The following MYO7A variants were observed in gnomAD, a reference collection of about 807,000 sequenced individuals.
MYO7A encodes the protein myosin VIIA.
Under a neutral mutation model 263.8 loss-of-function variants are expected in MYO7A, and 210 were observed. That is an observed-to-expected ratio of 0.80 (90% CI 0.71 to 0.89). The LOEUF is 0.89. Ranked by LOEUF, MYO7A falls within the 40% of genes least tolerant of loss-of-function variation. MYO7A has a pLI of 0.00. For missense variants in MYO7A, 2,820 were observed against 2,968.3 expected (o/e 0.95, Z 1.16); for synonymous variants, 1,239 against 1,197.3 (o/e 1.03, Z -0.72).
At chr11:77,208,914 G>A in intron 44 of MYO7A, 111 bp downstream of exon 44, 1 of 830,630 alleles carries the variant, frequency 1.2e-6, no homozygotes, top group Non-Finnish European at 1.9e-6. Flanking sequence ...GTACCAGCCT[G>A]GCCTCAAAGG....
chr11:77,184,138 G>T (rs955121715), intron 26 of MYO7A, among the ~76,000 whole-genome samples: 5 of 152,162 alleles, frequency 3.3e-5, no homozygotes, highest in African/African-American at 1.2e-4. Flanking sequence ...TGTGAGGCTG[G>T]TCACATCGGG....
intron 2 of MYO7A, among the ~76,000 whole-genome samples, chr11:77,133,982 T>C (rs1234981783): frequency 2.0e-5 from 3 of 152,164 alleles, no homozygotes; most frequent in Non-Finnish European, 4.4e-5. Context: ...CATGCTGGAG[T>C]GCAATGACAC....
In MYO7A at chr11:77,211,182, A is replaced by T; in HGVS notation, c.6082A>T (p.Lys2028Ter). 3 of 1,591,822 alleles carry T rather than the reference A, an allele frequency of 1.9e-6. No individual in the cohort carries two copies. The highest frequency in any genetic ancestry group is 2.6e-6 in the Non-Finnish European group (3 of 1,169,332). The change falls in exon 45 of 49, where the codon AAG (lysine) becomes TAG (stop). Residue 2028 changes from lysine (K) to a stop codon, truncating the protein, a stop_gained. Coordinates refer to ENST00000409709, the MANE Select transcript of MYO7A (RefSeq NM_000260.4). LOFTEE classifies it high-confidence loss of function. ...ELPKYLRGYH[K>*]CTREEVLQLG... ...GCCCAAGTATCTCCGAGGCTACCAC[A>T]AGTGCACGCGGGAGGAGGTGCTGCA...
At chr11:77,188,426 A>G (rs1459185291) in intron 27 of MYO7A, among the ~76,000 whole-genome samples, 1 of 152,178 alleles carries the variant, frequency 6.6e-6, no homozygotes, top group Non-Finnish European at 1.5e-5. Flanking sequence ...AAAATGGGTA[A>G]CTTCAGAATT....
At chr11:77,191,285 A>C (rs1045476402) in intron 30 of MYO7A, 5 of 160,968 alleles carry the variant, frequency 3.1e-5, no homozygotes, top group Non-Finnish European at 5.4e-5. Flanking sequence ...GCACCACTGC[A>C]CTCCAGCCTG....
At chr11:77,142,547 G>A (rs1555051240) in intron 2 of MYO7A, 162 bp from the exon 3 acceptor site, 2 of 698,904 alleles carry the variant, frequency 2.9e-6, no homozygotes, top group Non-Finnish European at 5.2e-6. Flanking sequence ...CCCAGGGCCT[G>A]CACTGCTCCA....
At position 77,193,118 on chromosome 11, in the gene MYO7A, GGTGGAGGTAGCGATGCTGTTGGTGATC is replaced by G. The variant is rs1956315715; in HGVS notation, c.4152+856_4152+882del. Among the ~76,000 whole-genome samples the G allele has an allele frequency of 1.2e-4, 16 of 137,038 alleles. 1 individual carries two copies. Among genetic ancestry groups the G allele is most frequent in the South Asian group, 9.2e-4 (4 of 4,370 alleles). 89.9% of individuals were successfully genotyped at this position (137,038 alleles called of 152,430 possible). A position where few individuals can be genotyped will look rare whatever the true frequency, so the allele number is the denominator to read the frequency against. ...TGGAGGTAGTGATGCTGTTGGTGAT[GGTGGAGGTAGCGATGCTGTTGGTGATC>G]GTGGAGGTAGCGATGGTGTTGGTGA... On this transcript the variant is annotated intron_variant, in intron 31 of 48. Transcript: ENST00000409709.
At chr11:77,174,715 A>G (rs1395617974) in intron 16 of MYO7A, 41 bp from the exon 17 acceptor site, 1 of 1,541,392 alleles carries the variant, frequency 6.5e-7, no homozygotes, top group Non-Finnish European at 8.8e-7. Context: ...GCCTCCCAGC[A>G]GGAGCCTTGG....
chr11:77,192,175 T>A lies in MYO7A; in HGVS notation c.4049T>A (p.Val1350Asp). 1 of 1,613,860 alleles carries A rather than the reference T, an allele frequency of 6.2e-7. No homozygotes were observed. Among genetic ancestry groups the A allele is most frequent in the South Asian group, 1.1e-5 (1 of 91,074 alleles). ...APWRLFFRKE[V>D]FTPWHSPSED... ...TGGAGGCTCTTCTTCCGCAAAGAGG[T>A]CTTCACGCCCTGGCACAGCCCCTCC... The change falls in exon 31 of 49, where the codon GTC (valine) becomes GAC (aspartate). Residue 1350 changes from valine to aspartate, a missense_variant. Transcript: ENST00000409709.
At chr11:77,153,233 T>C (rs547151305) in intron 4 of MYO7A, among the ~76,000 whole-genome samples, 1 of 151,936 alleles carries the variant, frequency 6.6e-6, no homozygotes, top group South Asian at 2.1e-4. Context: ...GGCATGCAGA[T>C]GGAGAGTGGG....
In MYO7A at chr11:77,186,164, C is replaced by T. The variant is rs143995233; in HGVS notation, c.3503+1449C>T. Reference sequence around the variant, plus strand: ...CTTGAACTCCTGACCCTGTGATCCACCCACCTCAGCCTCCCAAAATGCTGG... The same window carrying T: ...CTTGAACTCCTGACCCTGTGATCCATCCACCTCAGCCTCCCAAAATGCTGG... On this transcript the variant is annotated intron_variant, in intron 27 of 48. Transcript: ENST00000409709. Among the ~76,000 whole-genome samples the T allele has an allele frequency of 4.2e-3, 646 of 152,240 alleles. 6 individuals are homozygous for T. The highest frequency in any genetic ancestry group is 3.7e-3 in the Non-Finnish European group (250 of 68,024).
chr11:77,181,125 G>T (rs1404758621), intron 22 of MYO7A, among the ~76,000 whole-genome samples: 4 of 152,220 alleles, frequency 2.6e-5, no homozygotes, highest in African/African-American at 9.6e-5. Context: ...GGTTGGTGTG[G>T]TCCCCATGGA....
chr11:77,205,476 G>C lies in MYO7A; in HGVS notation c.5495G>C (p.Arg1832Pro). The stretch of plus-strand genomic sequence containing the variant: ...TCCTCCTGCAGGTACAGCGAGGAGC[G>C]GGGTTGGGAGCTGCTCTGGCTGTGC... Reference protein sequence around the residue: ...TDNHIRYSEERGWELLWLCTG... With the variant: ...TDNHIRYSEEPGWELLWLCTG... The change falls in exon 40 of 49, where the codon CGG (arginine) becomes CCG (proline). Residue 1832 changes from arginine (R) to proline (P), a missense_variant. Coordinates refer to ENST00000409709, the MANE Select transcript of MYO7A (RefSeq NM_000260.4). 6 of 1,578,034 alleles carry C rather than the reference G, an allele frequency of 3.8e-6. No homozygotes were observed. Among genetic ancestry groups the C allele is most frequent in the Non-Finnish European group, 5.2e-6 (6 of 1,162,616 alleles).
At position 77,170,719 on chromosome 11, in the gene MYO7A, G is replaced by A. The variant is rs560323917; in HGVS notation, c.1798-2029G>A. ...TCACTAACTCCCCAGTCCCAGGGGA[G>A]GTTGGCCTGGAATGTGGGGGATGGA... On this transcript the variant is annotated intron_variant, in intron 15 of 48. Coordinates refer to ENST00000409709, the MANE Select transcript of MYO7A (RefSeq NM_000260.4). 9.2e-4 allele frequency among the ~76,000 whole-genome samples: 140 copies of A among 152,306 alleles called. 1 individual carries two copies. Among genetic ancestry groups the A allele is most frequent in the Admixed American group, 2.2e-3 (34 of 15,292 alleles).
rs375462822 is a variant in MYO7A at position 77,207,321 on chromosome 11, G to A, written c.5775G>A (p.Lys1925=). 16 of 1,612,292 alleles carry A rather than the reference G, an allele frequency of 9.9e-6. No individual in the cohort carries two copies. Among genetic ancestry groups the A allele is most frequent in the African/African-American group, 1.3e-5 (1 of 74,872 alleles). ...AFEVESSTKA[K]DFCQNIATRL... ...AAGTGGAGTCCAGCACCAAGGCCAAGGACTTCTGCCAGAACATCGCCACCA... is the reference window on the plus strand; with the variant it reads ...AAGTGGAGTCCAGCACCAAGGCCAAAGACTTCTGCCAGAACATCGCCACCA... Residue 1925 remains lysine, a synonymous_variant, in exon 42 of 49, where the codon AAG becomes AAA. Transcript: ENST00000409709.
intron 2 of MYO7A, among the ~76,000 whole-genome samples, chr11:77,131,320 T>G (rs1950760093): frequency 1.3e-5 from 2 of 152,162 alleles, no homozygotes. Context: ...GCCAGCAGCT[T>G]CTCGGTCTCC....
intron 32 of MYO7A, among the ~76,000 whole-genome samples, chr11:77,196,397 T>G (rs1956667103): frequency 6.7e-6 from 1 of 149,354 alleles, no homozygotes; most frequent in Non-Finnish European, 1.5e-5. Context: ...TATCTCCAAA[T>G]AGGGTTACAT....
chr11:77,139,191 G>A (rs1231863750), intron 2 of MYO7A, among the ~76,000 whole-genome samples: 3 of 152,242 alleles, frequency 2.0e-5, no homozygotes, highest in South Asian at 2.1e-4. Flanking sequence ...GAGACACAGC[G>A]TTAGTGGTGG....
At chr11:77,176,810 C>A (rs553975516) in intron 18 of MYO7A, among the ~76,000 whole-genome samples, 123 of 152,318 alleles carry the variant, frequency 8.1e-4, no homozygotes, top group Non-Finnish European at 1.3e-3. Flanking sequence ...GGGGCCATGT[C>A]TCCCTGGTTC....
Sources: allele counts gnomAD v4.1 joint callset (sites outside exome capture counted in the v4.1 genomes callset), GRCh38; gene constraint gnomAD v4.1.1; transcripts MANE v1.5; gene names NCBI Gene and HGNC (gene_info 2026-07-23, HGNC 2026-07-21).